Variants in WLS observed in about 807,000 individuals in gnomAD.
WLS encodes the protein Wnt ligand secretion mediator.
In WLS, 23 loss-of-function variants were observed where a neutral mutation model predicts 62.8. That is an observed-to-expected ratio of 0.37 (90% CI 0.26 to 0.52). The LOEUF is 0.52. Among genes scored for constraint, WLS ranks in the 20% least tolerant of loss-of-function variants. The pLI, the probability that WLS is intolerant of heterozygous loss-of-function variation, is 0.92. For missense variants in WLS, 615 were observed against 697.3 expected (o/e 0.88, Z 1.33); for synonymous variants, 246 against 244.1 (o/e 1.01, Z -0.07).
chr1:68,144,683 C>G (rs976781801), intron 9 of WLS, 31 bp from the exon 10 acceptor site: 2 of 1,522,660 alleles, frequency 1.3e-6, no homozygotes, highest in African/African-American at 2.7e-5. Context: ...GTTTAATACT[C>G]CATCAGCTAC....
At chr1:68,226,158 A>G (rs1352639851) in intron 1 of WLS, among the ~76,000 whole-genome samples, 1 of 152,186 alleles carries the variant, frequency 6.6e-6, no homozygotes, top group Non-Finnish European at 1.5e-5. Context: ...ATGAGAAATC[A>G]GTTTTAGTGC....
chr1:68,129,768 T>C (rs1178945005), intron 11 of WLS, among the ~76,000 whole-genome samples: 1 of 152,190 alleles, frequency 6.6e-6, no homozygotes, highest in Non-Finnish European at 1.5e-5. Context: ...CTCTCTTGGC[T>C]CCTGCTGTTC....
At chr1:68,167,965 A>G (rs941977975) in intron 2 of WLS, among the ~76,000 whole-genome samples, 10 of 152,292 alleles carry the variant, frequency 6.6e-5, no homozygotes, top group Non-Finnish European at 7.4e-5. Context: ...GGAAGCATCA[A>G]CTAATTGTAT....
downstream of WLS, among the ~76,000 whole-genome samples, chr1:68,120,643 T>C (rs1646352393): frequency 6.6e-6 from 1 of 152,234 alleles, no homozygotes; most frequent in Admixed American, 6.5e-5. Context: ...TGGGGAGTGA[T>C]ATGTAACTTA....
intron 11 of WLS, among the ~76,000 whole-genome samples, chr1:68,133,099 G>T (rs1646554169): frequency 6.6e-6 from 1 of 152,026 alleles, no homozygotes. Context: ...GAAAATATAA[G>T]TGTTCCTTGA....
rs150325752 is a variant in WLS at position 68,190,546 on chromosome 1, T to C, written c.379+3409A>G. On this transcript the variant is annotated intron_variant, in intron 2 of 11. Transcript: ENST00000262348. ...TATCCCTGGGGGAAGCCCGCTGCCA[T>C]GTTGCGAGGCAGTCTTATGGAGAGA... 2.8e-3 allele frequency among the ~76,000 whole-genome samples: 425 copies of C among 152,346 alleles called. 8 individuals carry two copies. Among genetic ancestry groups the C allele is most frequent in the African/African-American group, 9.4e-3 (391 of 41,578 alleles).
chr1:68,104,141 A>G (rs1347757158), intron 11 of WLS, among the ~76,000 whole-genome samples: 2 of 152,112 alleles, frequency 1.3e-5, no homozygotes, highest in Non-Finnish European at 2.9e-5. Context: ...GTGTTTGATT[A>G]AGAATAAAAT....
intron 11 of WLS, chr1:68,127,307 A>G (rs1224145225): frequency 6.0e-6 from 1 of 165,484 alleles, no homozygotes; most frequent in Non-Finnish European, 1.3e-5. Context: ...ATCTAGGAAC[A>G]ATGAGGGGCT....
chr1:68,122,316 GC>G (rs1646373502), downstream of WLS, among the ~76,000 whole-genome samples: 1 of 152,146 alleles, frequency 6.6e-6, no homozygotes, highest in Admixed American at 6.5e-5. Context: ...GGCCCGATCA[GC>G]TATGAGATTA....
intron 11 of WLS, among the ~76,000 whole-genome samples, chr1:68,117,972 G>GA (rs11346016): frequency 0.28 from 41,402 of 149,110 alleles, 5,759 homozygotes; most frequent in East Asian, 0.4. Flanking sequence ...GAATTGATGA[G>GA]AAAAAAAAAA....
intron 6 of WLS, among the ~76,000 whole-genome samples, chr1:68,149,255 A>G (rs1646793465): frequency 1.3e-5 from 2 of 152,166 alleles, no homozygotes; most frequent in South Asian, 4.2e-4. Context: ...CAGGTGGGTC[A>G]GTCCACACCA....
intron 11 of WLS, among the ~76,000 whole-genome samples, chr1:68,127,424 T>A (rs1646449901): frequency 1.3e-5 from 2 of 152,186 alleles, no homozygotes; most frequent in South Asian, 4.1e-4. Flanking sequence ...AGTGTTCTGC[T>A]AAAATGGAAT....
At chr1:68,133,048 GC>G (rs1450073324) in intron 11 of WLS, among the ~76,000 whole-genome samples, 89 of 53,540 alleles carry the variant, frequency 1.7e-3, no homozygotes, top group East Asian at 5.0e-3. Context: ...TGAAAAGGCA[GC>G]AGCAGCAACA....
intron 2 of WLS, among the ~76,000 whole-genome samples, chr1:68,161,451 C>G (rs950345481): frequency 4.6e-5 from 7 of 152,108 alleles, no homozygotes; most frequent in Admixed American, 3.3e-4. Flanking sequence ...ACCTGCTGTG[C>G]CCAAGGGACT....
chr1:68,200,582 T>TTC (rs1557516534), intron 1 of WLS, among the ~76,000 whole-genome samples: 2 of 150,020 alleles, frequency 1.3e-5, no homozygotes, highest in Non-Finnish European at 3.0e-5. Flanking sequence ...TTTTTTTTTT[T>TTC]CCAGCTATTG....
chr1:68,176,396 C>T (rs1386834397), intron 2 of WLS: 5 of 138,218 alleles, frequency 3.6e-5, no homozygotes, highest in Non-Finnish European at 8.1e-5. Context: ...CACAGATGCC[C>T]TCCCGTTGGG....
At chr1:68,148,241 CA>C in intron 7 of WLS, 42 bp from the exon 8 acceptor site, 1 of 1,602,600 alleles carries the variant, frequency 6.2e-7, no homozygotes, top group South Asian at 1.1e-5. Context: ...ACAATTAATA[CA>C]AAGGCAACGG....
At chr1:68,107,296 G>C (rs961470343) in intron 11 of WLS, among the ~76,000 whole-genome samples, 14 of 95,758 alleles carry the variant, frequency 1.5e-4, no homozygotes, top group Non-Finnish European at 4.6e-5. Context: ...TGAATAGCTA[G>C]ATTTTTTTTT....
intron 8 of WLS, among the ~76,000 whole-genome samples, chr1:68,146,517 C>A (rs1013802882): frequency 6.6e-6 from 1 of 152,144 alleles, no homozygotes; most frequent in African/African-American, 2.4e-5. Flanking sequence ...TGTTTGGGAA[C>A]CACTGGGCTA....
Sources: gnomAD v4.1 joint callset for allele counts (sites outside exome capture counted in the v4.1 genomes callset) on GRCh38, gnomAD v4.1.1 for gene constraint, MANE v1.5 for transcripts, NCBI Gene and HGNC (gene_info 2026-07-23, HGNC 2026-07-21) for gene names.